Variants in HDAC4 observed in about 807,000 individuals in gnomAD.
HDAC4 encodes the protein histone deacetylase A.
A neutral mutation model predicts 135.1 loss-of-function variants in HDAC4; 16 were observed. That is an observed-to-expected ratio of 0.12 (90% CI 0.08 to 0.18). The LOEUF (loss-of-function observed/expected upper bound fraction) is 0.18, where lower values mean the gene tolerates loss of function less well. Among genes scored for constraint, HDAC4 ranks in the 10% least tolerant of loss-of-function variants. HDAC4 has a pLI of 1.00. For synonymous variants in HDAC4, 685 were observed against 653.4 expected (o/e 1.05, Z -0.74); for missense variants, 1,143 against 1,511.8 (o/e 0.76, Z 4.05).
At chr2:239,058,822 G>A (rs1186710959) in intron 24 of HDAC4, among the ~76,000 whole-genome samples, 2 of 152,220 alleles carry the variant, frequency 1.3e-5, no homozygotes, top group African/African-American at 4.8e-5. Context: ...ACAATCGTCG[G>A]TCAGGAAAAC....
At position 239,113,867 on chromosome 2, in the gene HDAC4, C is replaced by T. The variant is rs566027325; in HGVS notation, c.1791+1186G>A. Among the ~76,000 whole-genome samples the T allele has an allele frequency of 3.9e-5, 6 of 152,184 alleles. No homozygotes were observed. The East Asian group carries it at 1.2e-3, about 29-fold the overall frequency. Reference sequence around the variant, plus strand: ...TTTGCCAAGCGTTAGTTCTGCTGGGCTTTGTAGTGTTTAGTGCCCGGGGTG... The same window carrying T: ...TTTGCCAAGCGTTAGTTCTGCTGGGTTTTGTAGTGTTTAGTGCCCGGGGTG... On this transcript the variant is annotated intron_variant, in intron 13 of 26. Transcript: ENST00000543185.
At chr2:239,226,869 G>T (rs1489722465) in intron 3 of HDAC4, among the ~76,000 whole-genome samples, 1 of 152,240 alleles carries the variant, frequency 6.6e-6, no homozygotes, top group Non-Finnish European at 1.5e-5. Flanking sequence ...CCACAGGGTG[G>T]CATTTCAGAG....
rs2052635537 is a variant in HDAC4 at position 239,307,127 on chromosome 2, CTGCCGT to C, written c.22+45545_22+45550del. Among the ~76,000 whole-genome samples the C allele has an allele frequency of 6.6e-6, 1 of 152,114 alleles. No individual in the cohort carries two copies. Among genetic ancestry groups the C allele is most frequent in the East Asian group, 1.9e-4 (1 of 5,156 alleles). On this transcript the variant is annotated intron_variant, in intron 2 of 26. Transcript: ENST00000543185. The surrounding 1 kb of genome is among the most constrained non-coding windows in gnomAD (Gnocchi z 4.8). Reference sequence around the variant, plus strand: ...CAGGCCACACCCTCCAGCTCTGTGCCTGCCGTCCATCCTGGGTGCCCACGAGGGGTC... The same window carrying C: ...CAGGCCACACCCTCCAGCTCTGTGCCCCATCCTGGGTGCCCACGAGGGGTC...
In HDAC4 at chr2:239,115,511, C is replaced by T. The variant is rs2039048852; in HGVS notation, c.1534-201G>A. On this transcript the variant is annotated intron_variant, in intron 12 of 26. Transcript: ENST00000543185. This position sits in a 1 kb window ranked among gnomAD's most constrained non-coding sequence, Gnocchi z 6.3. ...CCTGAGTGCCTAAGAAAATAATGCC[C>T]AGTAGGACCCCAGCCCAGGGTCAAG... Among the ~76,000 whole-genome samples, 1 of 152,138 alleles carries T rather than the reference C, an allele frequency of 6.6e-6. No homozygotes were observed. The highest frequency in any genetic ancestry group is 1.5e-5 in the Non-Finnish European group (1 of 68,018).
intron 24 of HDAC4, chr2:239,055,106 A>C: frequency 5.0e-6 from 2 of 399,832 alleles, no homozygotes; most frequent in South Asian, 4.4e-5. Flanking sequence ...TGGGGCTGGC[A>C]CCTGCACGTG....
At chr2:239,202,594 A>T (rs2045823406) in intron 3 of HDAC4, among the ~76,000 whole-genome samples, 1 of 152,008 alleles carries the variant, frequency 6.6e-6, no homozygotes, top group Admixed American at 6.6e-5. Context: ...ACTCTGGGAG[A>T]AGGGCTGGCA....
chr2:239,243,869 C>T (rs1043244617), intron 2 of HDAC4, among the ~76,000 whole-genome samples: 9 of 152,150 alleles, frequency 5.9e-5, no homozygotes, highest in African/African-American at 9.7e-5. Context: ...AGAAAAAGCC[C>T]GGACTTGATT....
chr2:239,095,810 A>G (rs1029560755), intron 16 of HDAC4, among the ~76,000 whole-genome samples: 6 of 152,120 alleles, frequency 3.9e-5, no homozygotes, highest in African/African-American at 1.2e-4. Context: ...CCATCTGTGG[A>G]GGACAAGAGA....
At chr2:239,078,781 C>T (rs532301911) in intron 22 of HDAC4, among the ~76,000 whole-genome samples, 31 of 152,280 alleles carry the variant, frequency 2.0e-4, no homozygotes, top group Middle Eastern at 3.4e-3. Context: ...AGGGATGCCA[C>T]GGGGTGAGGG....
rs1259093703 is a variant in HDAC4 at position 239,245,260 on chromosome 2, G to A, written c.23-8596C>T. 1.3e-5 allele frequency among the ~76,000 whole-genome samples: 2 copies of A among 152,142 alleles called. No homozygotes were observed. Among genetic ancestry groups the A allele is most frequent in the Admixed American group, 1.3e-4 (2 of 15,276 alleles). On this transcript the variant is annotated intron_variant, in intron 2 of 26. Transcript: ENST00000543185. The surrounding 1 kb of genome is among the most constrained non-coding windows in gnomAD (Gnocchi z 4.4). ...CCGGCTTACAGGAAGTACGGGTTTG[G>A]CAGAACCTGCTAAAGGACACTGGAT...
chr2:239,123,335 C>T (rs558736303), intron 12 of HDAC4, among the ~76,000 whole-genome samples: 2 of 152,338 alleles, frequency 1.3e-5, no homozygotes, highest in Admixed American at 6.5e-5. Context: ...GCTGGGTGCC[C>T]CATCCATTTC....
chr2:239,082,369 A>G, intron 20 of HDAC4, 148 bp from the exon 21 acceptor site: 2 of 1,078,334 alleles, frequency 1.9e-6, no homozygotes, highest in Non-Finnish European at 1.4e-6. Flanking sequence ...CGTACCCGGC[A>G]GGCGCGATTC....
intron 12 of HDAC4, among the ~76,000 whole-genome samples, chr2:239,121,040 C>T (rs2152831335): frequency 6.6e-6 from 1 of 151,228 alleles, no homozygotes; most frequent in East Asian, 1.9e-4. Context: ...CTCTGTTGCC[C>T]AGGCTGGAGT....
chr2:239,142,866 C>T (rs570082715), intron 8 of HDAC4, among the ~76,000 whole-genome samples: 16 of 149,244 alleles, frequency 1.1e-4, no homozygotes, highest in African/African-American at 3.5e-4. Context: ...GCACTGATCA[C>T]GCCCTGCCGC....
chr2:239,351,716 A>C (rs536323141), intron 2 of HDAC4: 1 of 154,556 alleles, frequency 6.5e-6, no homozygotes, highest in East Asian at 1.9e-4. Context: ...TCTCAAAGAG[A>C]GTGACCCAGA....
At chr2:239,263,353 G>A (rs992362601) in intron 2 of HDAC4, among the ~76,000 whole-genome samples, 4 of 116,076 alleles carry the variant, frequency 3.4e-5, no homozygotes, top group Non-Finnish European at 5.2e-5. Flanking sequence ...CACATCAGCC[G>A]CCCCGAAGCC....
chr2:239,050,104 C>G lies in HDAC4; in HGVS notation c.*2993G>C, dbSNP rs145815368. 1 of 152,742 alleles carries G rather than the reference C, an allele frequency of 6.5e-6. No homozygotes were observed. Among genetic ancestry groups the G allele is most frequent in the Non-Finnish European group, 1.5e-5 (1 of 68,048 alleles). 9.5% of individuals were successfully genotyped at this position (152,742 alleles called of 1,614,324 possible). On this transcript the variant is annotated 3_prime_UTR_variant, in exon 27 of 27. Transcript: ENST00000543185. ...CCTGGACGCTTGCTGTGGAGAAGAG[C>G]CGAGTGTGTCTTCAAAGAAAAGGCT... is the stretch of plus-strand genomic sequence containing the variant.
intron 4 of HDAC4, among the ~76,000 whole-genome samples, chr2:239,182,082 G>A (rs1050795366): frequency 5.3e-5 from 8 of 152,170 alleles, no homozygotes; most frequent in African/African-American, 1.7e-4. Flanking sequence ...ACTCTGCCCT[G>A]GGGACCCGGA....
At chr2:239,271,590 CCG>C (rs1310571945) in intron 2 of HDAC4, among the ~76,000 whole-genome samples, 1 of 152,084 alleles carries the variant, frequency 6.6e-6, no homozygotes, top group Non-Finnish European at 1.5e-5. Context: ...TCTCCATCCC[CCG>C]ATGTGGATCT....
Sources: allele counts gnomAD v4.1 joint callset (sites outside exome capture counted in the v4.1 genomes callset), GRCh38; gene constraint gnomAD v4.1.1; non-coding constraint Gnocchi (gnomAD v3.1); transcripts MANE v1.5; gene names NCBI Gene and HGNC (gene_info 2026-07-23, HGNC 2026-07-21).